Variants in KRABD5 observed in about 807,000 individuals in gnomAD.
The protein encoded by KRABD5 is KRAB domain-containing protein 5.
the KRABD5 span, chr16:31,760,627 A>G: frequency 6.6e-6 from 1 of 151,296 alleles, no homozygotes; most frequent in Non-Finnish European, 1.5e-5. Context: ...TTGCAGCAGG[A>G]GGAAATGTCT....
the KRABD5 span, among the ~76,000 whole-genome samples, chr16:31,740,212 G>T: frequency 2.6e-4 from 40 of 152,070 alleles, no homozygotes; most frequent in African/African-American, 9.4e-4. Context: ...CGACCGAGCT[G>T]GTCTCAGCAT....
At chr16:31,748,538 A>G in the KRABD5 span, among the ~76,000 whole-genome samples, 2 of 152,204 alleles carry the variant, frequency 1.3e-5, no homozygotes, top group African/African-American at 2.4e-5. Context: ...GAGTTAGAAC[A>G]TGTTCCTTTA....
the KRABD5 span, among the ~76,000 whole-genome samples, chr16:31,747,211 A>G: frequency 7.5e-4 from 101 of 135,360 alleles, no homozygotes; most frequent in South Asian, 0.022. Flanking sequence ...TCATTGTTCA[A>G]TTCCCACCTA....
chr16:31,725,529 A>G, the KRABD5 span, among the ~76,000 whole-genome samples: 1 of 152,204 alleles, frequency 6.6e-6, no homozygotes, highest in African/African-American at 2.4e-5. Context: ...GGCTGGATCA[A>G]TTTACATTTC....
the KRABD5 span, chr16:31,759,564 A>T: frequency 1.3e-6 from 1 of 759,170 alleles, no homozygotes; most frequent in Non-Finnish European, 2.2e-6. Flanking sequence ...TCTTAAAAAA[A>T]TTAAATGGGT....
At chr16:31,717,758 A>G in the KRABD5 span, among the ~76,000 whole-genome samples, 1 of 152,186 alleles carries the variant, frequency 6.6e-6, no homozygotes, top group African/African-American at 2.4e-5. Flanking sequence ...CCAAACACTG[A>G]GAAATGTAAG....
chr16:31,737,442 G>GTTA, the KRABD5 span, among the ~76,000 whole-genome samples: 1 of 150,568 alleles, frequency 6.6e-6, no homozygotes, highest in Non-Finnish European at 1.5e-5. Context: ...AAAAATGTGA[G>GTTA]TTACAGTAGC....
At chr16:31,749,806 G>T in the KRABD5 span, among the ~76,000 whole-genome samples, 1 of 152,182 alleles carries the variant, frequency 6.6e-6, no homozygotes, top group Admixed American at 6.5e-5. Context: ...TACCTTGGTT[G>T]CTGGTGAAAG....
the KRABD5 span, among the ~76,000 whole-genome samples, chr16:31,732,219 T>A: frequency 6.6e-6 from 1 of 152,212 alleles, no homozygotes; most frequent in Non-Finnish European, 1.5e-5. Context: ...GTGTCAGAAA[T>A]TGTGACCTGG....
chr16:31,734,688 C>G, the KRABD5 span, among the ~76,000 whole-genome samples: 15 of 151,990 alleles, frequency 9.9e-5, no homozygotes, highest in African/African-American at 3.4e-4. Context: ...TATTCCTCCC[C>G]CTTCAGTCTC....
At chr16:31,717,745 TTCCCAAACAC>T in the KRABD5 span, among the ~76,000 whole-genome samples, 1 of 152,196 alleles carries the variant, frequency 6.6e-6, no homozygotes, top group African/African-American at 2.4e-5. Context: ...TTAATTATAT[TTCCCAAACAC>T]TGAGAAATGT....
At chr16:31,743,212 A>G in the KRABD5 span, among the ~76,000 whole-genome samples, 2 of 152,090 alleles carry the variant, frequency 1.3e-5, no homozygotes, top group Non-Finnish European at 2.9e-5. Flanking sequence ...TATGTCCTCA[A>G]TAGTATTGCC....
chr16:31,719,622 C>G, the KRABD5 span, among the ~76,000 whole-genome samples: 4 of 152,198 alleles, frequency 2.6e-5, no homozygotes, highest in Admixed American at 6.5e-5. Context: ...GAGCTTGGTT[C>G]AGGTCTGGCC....
At chr16:31,751,801 C>G in the KRABD5 span, among the ~76,000 whole-genome samples, 1 of 152,150 alleles carries the variant, frequency 6.6e-6, no homozygotes, top group Non-Finnish European at 1.5e-5. Flanking sequence ...TATTCTTCTA[C>G]ATTTGTGCTC....
At chr16:31,755,672 T>A in the KRABD5 span, 2 of 468,444 alleles carry the variant, frequency 4.3e-6, no homozygotes, top group African/African-American at 2.0e-5. Flanking sequence ...TAATCGATGC[T>A]CAACCCTTAC....
At chr16:31,722,805 T>A in the KRABD5 span, 12 of 1,496,936 alleles carry the variant, frequency 8.0e-6, no homozygotes, top group Non-Finnish European at 8.9e-6. Context: ...AAGGGTTTTA[T>A]TTCTTTCCTT....
chr16:31,756,363 C>T, the KRABD5 span: 1 of 152,028 alleles, frequency 6.6e-6, no homozygotes, highest in Non-Finnish European at 1.5e-5. Flanking sequence ...TTTATTACAT[C>T]AATTGCTCCT....
At chr16:31,724,567 C>CT in the KRABD5 span, among the ~76,000 whole-genome samples, 9 of 151,936 alleles carry the variant, frequency 5.9e-5, no homozygotes, top group Non-Finnish European at 1.3e-4. Flanking sequence ...TGGCGGGTGC[C>CT]TGTAGTCCCA....
the KRABD5 span, among the ~76,000 whole-genome samples, chr16:31,721,048 G>C: frequency 6.6e-6 from 1 of 152,130 alleles, no homozygotes; most frequent in African/African-American, 2.4e-5. Context: ...TATATCTACT[G>C]TCTTAAAATT....
Sources: allele counts gnomAD v4.1 joint callset (sites outside exome capture counted in the v4.1 genomes callset), GRCh38; gene constraint gnomAD v4.1.1; transcripts MANE v1.5; gene names NCBI Gene and HGNC (gene_info 2026-07-23, HGNC 2026-07-21).